GXYLT2: variants seen among roughly 807,000 people sequenced by gnomAD.
GXYLT2 encodes glycosyltransferase 8 domain containing 4.
Under a neutral mutation model 45.8 loss-of-function variants are expected in GXYLT2, and 53 were observed. That is an observed-to-expected ratio of 1.16 (90% CI 0.93 to 1.46). GXYLT2 has a LOEUF of 1.46. Among genes scored for constraint, GXYLT2 ranks in the 40% most tolerant of loss-of-function variants. The pLI, the probability that GXYLT2 is intolerant of heterozygous loss-of-function variation, is 0.00. For missense variants in GXYLT2, 551 were observed against 544.4 expected (o/e 1.01, Z -0.12); for synonymous variants, 219 against 214.2 (o/e 1.02, Z -0.19).
chr3:72,910,456 C>T (rs563450754), intron 2 of GXYLT2, among the ~76,000 whole-genome samples: 2 of 152,270 alleles, frequency 1.3e-5, no homozygotes, highest in South Asian at 4.1e-4. Context: ...GCCTCAGTTT[C>T]CCCATCTGCA....
intron 1 of GXYLT2, among the ~76,000 whole-genome samples, chr3:72,894,837 A>G (rs867360041): frequency 2.0e-5 from 3 of 152,246 alleles, no homozygotes; most frequent in Middle Eastern, 3.2e-3. Context: ...TCTTCTGCCC[A>G]GCCCTTCCCC....
At chr3:72,893,577 T>C (rs994346483) in intron 1 of GXYLT2, among the ~76,000 whole-genome samples, 1 of 152,194 alleles carries the variant, frequency 6.6e-6, no homozygotes, top group Non-Finnish European at 1.5e-5. Context: ...AAATCACTGT[T>C]TCACTAACTC....
intron 1 of GXYLT2, among the ~76,000 whole-genome samples, chr3:72,904,030 G>A (rs537381107): frequency 6.6e-6 from 1 of 152,332 alleles, no homozygotes; most frequent in East Asian, 1.9e-4. Flanking sequence ...TGTTCAGGCT[G>A]TACCAGCATG....
intron 2 of GXYLT2, among the ~76,000 whole-genome samples, chr3:72,919,542 G>C (rs941383374): frequency 2.0e-5 from 3 of 152,226 alleles, no homozygotes; most frequent in African/African-American, 7.2e-5. Flanking sequence ...ATCACCTGAG[G>C]TCGGGAGTTT....
In GXYLT2 at chr3:72,888,256, C is replaced by T. The variant is rs1236741876; in HGVS notation, c.23C>T (p.Ala8Val). MKLRSKA[A>V]ALLLLALAAL... ...ACCATGAAGCTCCGCAGCAAGGCGG[C>T]GGCGCTGCTCTTGCTCGCGCTGGCC... The change falls in exon 1 of 7, where the codon GCG becomes GTG. Residue 8 changes from alanine (A) to valine (V), a missense_variant. By Grantham distance (64) the Ala-to-Val change is moderately conservative (BLOSUM62 0). Transcript: ENST00000389617. 1 of 993,120 alleles carries T rather than the reference C, an allele frequency of 1.0e-6. No individual in the cohort carries two copies. The highest frequency in any genetic ancestry group is 1.2e-6 in the Non-Finnish European group (1 of 837,788). 61.5% of individuals were successfully genotyped at this position (993,120 alleles called of 1,614,324 possible). A position where few individuals can be genotyped will look rare whatever the true frequency, so the allele number is the denominator to read the frequency against.
intron 1 of GXYLT2, among the ~76,000 whole-genome samples, chr3:72,898,647 C>G (rs573154050): frequency 2.7e-4 from 41 of 152,214 alleles, no homozygotes; most frequent in African/African-American, 8.9e-4. Flanking sequence ...CCCGAGCACC[C>G]GGGGAGGCAT....
At chr3:72,920,819 T>TATATATATATATATATATATGTA (rs1491486551) in intron 2 of GXYLT2, among the ~76,000 whole-genome samples, 2 of 96,554 alleles carry the variant, frequency 2.1e-5, no homozygotes, top group Admixed American at 9.8e-5. Flanking sequence ...TATATATGTA[T>TATATATATATATATATATATGTA]TTTTTTTTTT....
chr3:72,892,300 C>G (rs750573169), intron 1 of GXYLT2, among the ~76,000 whole-genome samples: 2 of 152,152 alleles, frequency 1.3e-5, no homozygotes, highest in Non-Finnish European at 2.9e-5. Flanking sequence ...TCCATCCTAG[C>G]GCTCTTACTG....
At chr3:72,967,257 T>C (rs1038096998) in intron 5 of GXYLT2, among the ~76,000 whole-genome samples, 6 of 152,064 alleles carry the variant, frequency 3.9e-5, no homozygotes, top group African/African-American at 1.4e-4. Flanking sequence ...AGTGAGAGAG[T>C]TGAGATTTGG....
chr3:72,934,377 C>T (rs938193890), intron 3 of GXYLT2, among the ~76,000 whole-genome samples: 4 of 152,086 alleles, frequency 2.6e-5, no homozygotes, highest in Admixed American at 2.0e-4. Context: ...CCAGCCACCA[C>T]ACCTAGCTGA....
At chr3:72,938,087 C>T (rs150857785) in intron 3 of GXYLT2, among the ~76,000 whole-genome samples, 1 of 152,004 alleles carries the variant, frequency 6.6e-6, no homozygotes, top group African/African-American at 2.4e-5. Context: ...GTGAGATCCT[C>T]TCTACAAAAA....
intron 3 of GXYLT2, among the ~76,000 whole-genome samples, chr3:72,936,834 A>G (rs544875291): frequency 2.8e-4 from 43 of 152,296 alleles, no homozygotes; most frequent in Admixed American, 1.2e-3. Context: ...TTTTGATACA[A>G]TTGTATTGGG....
At chr3:72,943,721 G>A (rs71300552) in intron 3 of GXYLT2, among the ~76,000 whole-genome samples, 20,830 of 151,848 alleles carry the variant, frequency 0.14, 1,865 homozygotes, top group Non-Finnish European at 0.19. Flanking sequence ...CACATAAAAT[G>A]TACCATTTTA....
At chr3:72,959,195 G>GTAACTTCT (rs1435542538) in intron 5 of GXYLT2, among the ~76,000 whole-genome samples, 4 of 134,272 alleles carry the variant, frequency 3.0e-5, no homozygotes, top group African/African-American at 1.1e-4. Context: ...TCGGCTCACT[G>GTAACTTCT]TAACTTCTGC....
chr3:72,959,318 A>G (rs1006230737), intron 5 of GXYLT2, among the ~76,000 whole-genome samples: 4 of 151,234 alleles, frequency 2.6e-5, no homozygotes, highest in Non-Finnish European at 5.9e-5. Context: ...GTATTTCACC[A>G]TGTTGGCCAG....
intron 3 of GXYLT2, among the ~76,000 whole-genome samples, chr3:72,929,869 A>G (rs894334074): frequency 3.9e-5 from 6 of 152,232 alleles, no homozygotes; most frequent in Non-Finnish European, 8.8e-5. Flanking sequence ...CAATCAAATA[A>G]AAACACAGAG....
At position 72,967,695 on chromosome 3, in the gene GXYLT2, A is replaced by C. The variant is rs1393332934; in HGVS notation, c.1125A>C (p.Arg375Ser). 6.2e-7 allele frequency: 1 copy of C among 1,613,798 alleles called. No homozygotes were observed. The highest frequency in any genetic ancestry group is 8.5e-7 in the Non-Finnish European group (1 of 1,179,844). ...VYHDDKQPTF[R>S]ALYEAIRDFP... ...ATGACGATAAGCAACCAACGTTCAG[A>C]GCACTCTATGAAGCAATACGGGATG... Residue 375 changes from arginine (R) to serine (S), a missense_variant, in exon 6 of 7, where the codon AGA becomes AGC. Physicochemically the swap from Arg to Ser is moderately radical, Grantham distance 110. Coordinates refer to ENST00000389617, the MANE Select transcript of GXYLT2 (RefSeq NM_001080393.2).
intron 1 of GXYLT2, among the ~76,000 whole-genome samples, chr3:72,891,423 G>A (rs1453097493): frequency 6.6e-6 from 1 of 152,170 alleles, no homozygotes; most frequent in African/African-American, 2.4e-5. Flanking sequence ...AAGTTTCCAA[G>A]GATTTGCCTC....
intron 3 of GXYLT2, among the ~76,000 whole-genome samples, chr3:72,944,058 A>C (rs1710353426): frequency 6.6e-6 from 1 of 151,864 alleles, no homozygotes; most frequent in Non-Finnish European, 1.5e-5. Context: ...TGTATAGATT[A>C]ATAGTTGATA....
Sources: allele counts gnomAD v4.1 joint callset (sites outside exome capture counted in the v4.1 genomes callset), GRCh38; gene constraint gnomAD v4.1.1; transcripts MANE v1.5; gene names NCBI Gene and HGNC (gene_info 2026-07-23, HGNC 2026-07-21).